Variants in BAK1 observed in about 807,000 individuals in gnomAD.
BAK1 encodes the protein BCL2 antagonist/killer 1, also known as bcl-2 homologous antagonist/killer.
In BAK1, 19 loss-of-function variants were observed where a neutral mutation model predicts 24.7. That is an observed-to-expected ratio of 0.77 (90% CI 0.54 to 1.13). BAK1 has a LOEUF of 1.13. Ranked by LOEUF, BAK1 falls within the 50% of genes most tolerant of loss-of-function variation. The pLI is 0.00. For synonymous variants in BAK1, 86 were observed against 107.3 expected (o/e 0.80, Z 1.23); for missense variants, 194 against 279.4 (o/e 0.69, Z 2.18).
At chr6:33,579,214 C>T (rs1180276627) in intron 1 of BAK1, among the ~76,000 whole-genome samples, 1 of 152,144 alleles carries the variant, frequency 6.6e-6, no homozygotes, top group Non-Finnish European at 1.5e-5. Context: ...GGCATGGTGG[C>T]GTGCGCCTGT....
At chr6:33,574,013 T>C (rs1762802706) in intron 5 of BAK1, 21 bp downstream of exon 5, 3 of 1,613,208 alleles carry the variant, frequency 1.9e-6, no homozygotes, top group Admixed American at 1.7e-5. Context: ...AGGGAGGACA[T>C]TGCAGTCCTT....
At position 33,580,213 on chromosome 6, in the gene BAK1, G is replaced by A. The variant is rs974224451; in HGVS notation, c.-220C>T. 6.6e-6 allele frequency: 1 copy of A among 152,244 alleles called. No homozygotes were observed. Among genetic ancestry groups the A allele is most frequent in the Non-Finnish European group, 1.5e-5 (1 of 68,040 alleles). 9.4% of individuals were successfully genotyped at this position (152,244 alleles called of 1,614,324 possible). A position where few individuals can be genotyped will look rare whatever the true frequency, so the allele number is the denominator to read the frequency against. ...AGCCCGAGGGACCCGCGAGACTCCA[G>A]TGATCATAGAGGTGCCAGCGGCACC... On this transcript the variant is annotated 5_prime_UTR_variant, in exon 1 of 6. Transcript: ENST00000374467.
Position 33,575,294 on chromosome 6 carries a change from G to T in BAK1, c.350+4C>A, listed in dbSNP as rs1429825769. 1.9e-6 allele frequency: 3 copies of T among 1,614,076 alleles called. No individual in the cohort carries two copies. Among genetic ancestry groups the T allele is most frequent in the Non-Finnish European group, 2.5e-6 (3 of 1,180,040 alleles). On this transcript the variant is annotated splice_donor_region_variant and intron_variant, in intron 4 of 5. Coordinates refer to ENST00000374467, the MANE Select transcript of BAK1 (RefSeq NM_001188.4). This position sits in a 1 kb window ranked among gnomAD's most constrained non-coding sequence, Gnocchi z 6.3. ...TGGAGCTGGCAGGGAGGTGGCTGGG[G>T]TACCTGGTGGCAATCTTGGTGAAGT...
chr6:33,579,956 G>T (rs983401124), intron 1 of BAK1, 69 bp downstream of exon 1: 1 of 151,724 alleles, frequency 6.6e-6, no homozygotes, highest in Non-Finnish European at 1.5e-5. Context: ...CTCCCGGCAG[G>T]CTCCCTGCCC....
intron 2 of BAK1, among the ~76,000 whole-genome samples, chr6:33,576,591 C>T (rs1188751690): frequency 6.6e-6 from 1 of 151,592 alleles, no homozygotes; most frequent in Admixed American, 6.6e-5. Flanking sequence ...CTAGATCACG[C>T]CACTGCACTC....
intron 2 of BAK1, among the ~76,000 whole-genome samples, chr6:33,576,146 T>C (rs1762841059): frequency 6.6e-6 from 1 of 151,328 alleles, no homozygotes; most frequent in African/African-American, 2.4e-5. Flanking sequence ...CTGACCAACA[T>C]GGAGAAACTC....
At position 33,577,503 on chromosome 6, in the gene BAK1, T is replaced by C. The variant is rs560706322; in HGVS notation, c.70+32A>G. The C allele has an allele frequency of 2.3e-5, 35 of 1,525,454 alleles. No homozygotes were observed. The African/African-American group carries it at 4.0e-4, about 17-fold the overall frequency. The allele number at this position is 1,525,454 out of a possible 1,614,324, so 94.5% of individuals were successfully genotyped here. ...ATCCTCACGACAGCACTCATGGTTATGGGATGGGTGAGGGGGCAGGAAGAC... is the reference window on the plus strand; with the variant it reads ...ATCCTCACGACAGCACTCATGGTTACGGGATGGGTGAGGGGGCAGGAAGAC... On this transcript the variant is annotated intron_variant, in intron 2 of 5. Coordinates refer to ENST00000374467, the MANE Select transcript of BAK1 (RefSeq NM_001188.4). The surrounding 1 kb of genome is among the most constrained non-coding windows in gnomAD (Gnocchi z 4.6).
In BAK1 at chr6:33,575,965, G is replaced by C; in HGVS notation, c.71-37C>G. ...AGCTGGGAGTCAGGGAGAGAGGGCC[G>C]AACCCTGGCAGCCCCATGCCTTATA... On this transcript the variant is annotated intron_variant, in intron 2 of 5. Coordinates refer to ENST00000374467, the MANE Select transcript of BAK1 (RefSeq NM_001188.4). This position sits in a 1 kb window ranked among gnomAD's most constrained non-coding sequence, Gnocchi z 6.3. The C allele has an allele frequency of 6.2e-7, 1 of 1,612,658 alleles. No homozygotes were observed.
rs1402784621 is a variant in BAK1 at position 33,577,449 on chromosome 6, A to G, written c.70+86T>C. The G allele has an allele frequency of 7.7e-7, 1 of 1,298,428 alleles. No homozygotes were observed. Among genetic ancestry groups the G allele is most frequent in the African/African-American group, 1.5e-5 (1 of 66,156 alleles). The allele number at this position is 1,298,428 out of a possible 1,614,324, so 80.4% of individuals were successfully genotyped here. On this transcript the variant is annotated intron_variant, in intron 2 of 5. Transcript: ENST00000374467. This position sits in a 1 kb window ranked among gnomAD's most constrained non-coding sequence, Gnocchi z 4.6. Reference sequence around the variant, plus strand: ...CACCCACAGTGGGTGAACCGAGGCGAAGGAGCCTGCCTGAGTCCTGCTCCT... The same window carrying G: ...CACCCACAGTGGGTGAACCGAGGCGGAGGAGCCTGCCTGAGTCCTGCTCCT...
chr6:33,574,587 C>T, intron 4 of BAK1: 1 of 1,303,744 alleles, frequency 7.7e-7, no homozygotes, highest in Non-Finnish European at 1.0e-6. Flanking sequence ...TTCCTGTCAT[C>T]ACAGTGGTAT....
At position 33,575,199 on chromosome 6, in the gene BAK1, C is replaced by G. The variant is rs574526886; in HGVS notation, c.350+99G>C. Reference sequence around the variant, plus strand: ...GCAGACATTGGACACTGACAGAAGGCTTCTCCCCATGCCAGGAGAGCATCA... The same window carrying G: ...GCAGACATTGGACACTGACAGAAGGGTTCTCCCCATGCCAGGAGAGCATCA... On this transcript the variant is annotated intron_variant, in intron 4 of 5. Coordinates refer to ENST00000374467, the MANE Select transcript of BAK1 (RefSeq NM_001188.4). The surrounding 1 kb of genome is among the most constrained non-coding windows in gnomAD (Gnocchi z 6.3). 9.6e-6 allele frequency: 15 copies of G among 1,556,418 alleles called. No individual in the cohort carries two copies. In the African/African-American group the frequency reaches 1.5e-4, roughly 15 times the overall value.
At chr6:33,579,286 C>T (rs1285745312) in intron 1 of BAK1, among the ~76,000 whole-genome samples, 3 of 152,162 alleles carry the variant, frequency 2.0e-5, no homozygotes, top group Admixed American at 6.5e-5. Flanking sequence ...GCGGAGGTTG[C>T]GGTCAGCCGA....
rs1416920495 is a variant in BAK1 at position 33,572,873 on chromosome 6, A to G, written c.*930T>C. On this transcript the variant is annotated 3_prime_UTR_variant, in exon 6 of 6. Coordinates refer to ENST00000374467, the MANE Select transcript of BAK1 (RefSeq NM_001188.4). Reference sequence around the variant, plus strand: ...TAGTGGTGTTGATAGTCCTTCTCCCACTTAGAACCCTCCAGATGAACTCCC... The same window carrying G: ...TAGTGGTGTTGATAGTCCTTCTCCCGCTTAGAACCCTCCAGATGAACTCCC... 1.3e-5 allele frequency: 2 copies of G among 151,672 alleles called. No homozygotes were observed. The highest frequency in any genetic ancestry group is 1.3e-4 in the Admixed American group (2 of 15,060). The allele number at this position is 151,672 out of a possible 1,614,324, so 9.4% of individuals were successfully genotyped here. A position where few individuals can be genotyped will look rare whatever the true frequency, so the allele number is the denominator to read the frequency against.
At chr6:33,574,390 GAGAA>G in intron 4 of BAK1, 176 bp from the exon 5 acceptor site, 1 of 1,463,812 alleles carries the variant, frequency 6.8e-7, no homozygotes, top group Non-Finnish European at 9.3e-7. Context: ...TCTGCGAAAG[GAGAA>G]AGCTCAGGGG....
At chr6:33,574,594 G>T in intron 4 of BAK1, 1 of 1,279,390 alleles carries the variant, frequency 7.8e-7, no homozygotes, top group South Asian at 1.2e-5. Context: ...CATCACAGTG[G>T]TATGAAGGCT....
rs936357714 is a variant in BAK1, at chr6:33,574,109, G to C, written c.456C>G (p.Gly152=). ...VYQHGLTGFL[G]QVTRFVVDFM... is the part of the protein sequence containing the mutation. ...AGTCGACCACGAAGCGGGTCACCTG[G>C]CCTAGGAAGCCAGTCAGGCCATGCT... The change falls in exon 5 of 6, where the codon GGC becomes GGG. Residue 152 remains glycine, a synonymous_variant. Transcript: ENST00000374467. 8 of 1,614,090 alleles carry C rather than the reference G, an allele frequency of 5.0e-6. No homozygotes were observed. The African/African-American group carries it at 5.3e-5, about 11-fold the overall frequency.
At chr6:33,574,290 CTCTCCCAGCTGGAAGCT>C in intron 4 of BAK1, 76 bp from the exon 5 acceptor site, 1 of 1,546,060 alleles carries the variant, frequency 6.5e-7, no homozygotes, top group Admixed American at 1.8e-5. Context: ...TCTCCCACCC[CTCTCCCAGCTGGAAGCT>C]AAATAGCTTA....
In BAK1 at chr6:33,573,215, AG is replaced by A. The variant is rs1762790104; in HGVS notation, c.*587del. ...CAGTATGGCCGGAGGGAGGAATGGG[AG>A]CAGGGGTAGAGTTGAGCAGGACCTT... On this transcript the variant is annotated 3_prime_UTR_variant, in exon 6 of 6. Transcript: ENST00000374467. 1 of 152,550 alleles carries A rather than the reference AG, an allele frequency of 6.6e-6. No homozygotes were observed. The highest frequency in any genetic ancestry group is 2.1e-4 in the South Asian group (1 of 4,792). The allele number at this position is 152,550 out of a possible 1,614,324, so 9.4% of individuals were successfully genotyped here. A position where few individuals can be genotyped will look rare whatever the true frequency, so the allele number is the denominator to read the frequency against.
rs994566351 is a variant in BAK1, at chr6:33,575,981, A to G, written c.71-53T>C. The G allele has an allele frequency of 1.9e-6, 3 of 1,609,912 alleles. No individual in the cohort carries two copies. The highest frequency in any genetic ancestry group is 2.5e-6 in the Non-Finnish European group (3 of 1,177,688). The stretch of plus-strand genomic sequence containing the variant: ...GAGAGGGCCGAACCCTGGCAGCCCC[A>G]TGCCTTATAGGGGATTCACTCTTCC... On this transcript the variant is annotated intron_variant, in intron 2 of 5. Transcript: ENST00000374467. The surrounding 1 kb of genome is among the most constrained non-coding windows in gnomAD (Gnocchi z 6.3).
Sources: allele counts gnomAD v4.1 joint callset (sites outside exome capture counted in the v4.1 genomes callset), GRCh38; gene constraint gnomAD v4.1.1; non-coding constraint Gnocchi (gnomAD v3.1); transcripts MANE v1.5; gene names NCBI Gene and HGNC (gene_info 2026-07-23, HGNC 2026-07-21).